Variants in MEI1 observed in about 807,000 individuals in gnomAD.
MEI1 encodes the protein meiotic double-stranded break formation protein 1.
In MEI1, 103 loss-of-function variants were observed where a neutral mutation model predicts 146.2. The ratio of observed to expected loss-of-function variants is 0.70; its 90% CI spans 0.60 to 0.83. The LOEUF is 0.83. Among genes scored for constraint, MEI1 ranks in the 40% least tolerant of loss-of-function variants. The pLI, the probability that MEI1 is intolerant of heterozygous loss-of-function variation, is 0.00. For missense variants in MEI1, 1,529 were observed against 1,533.0 expected, an observed-to-expected ratio of 1.00 and a Z score of 0.04; for synonymous variants, 652 against 628.2, an observed-to-expected ratio of 1.04 and a Z score of -0.57.
At chr22:41,740,973 T>A (rs1011664188) in intron 11 of MEI1, among the ~76,000 whole-genome samples, 3 of 152,138 alleles carry the variant, frequency 2.0e-5, no homozygotes, top group African/African-American at 7.2e-5. Context: ...TGCTGTGATG[T>A]GATCTTGGCT....
chr22:41,762,906 T>C (rs960727113), intron 18 of MEI1, among the ~76,000 whole-genome samples: 7 of 152,172 alleles, frequency 4.6e-5, no homozygotes, highest in Admixed American at 3.9e-4. Flanking sequence ...ACACTGCTGG[T>C]CCAGCTGGCA....
chr22:41,702,819 C>T (rs1169699582), intron 1 of MEI1, among the ~76,000 whole-genome samples: 2 of 151,672 alleles, frequency 1.3e-5, no homozygotes, highest in Non-Finnish European at 2.9e-5. Context: ...AATGCAGTGG[C>T]GCTATCTCGG....
At chr22:41,791,896 A>G (rs1298542413) in intron 26 of MEI1, among the ~76,000 whole-genome samples, 2 of 152,232 alleles carry the variant, frequency 1.3e-5, no homozygotes, top group East Asian at 3.8e-4. Context: ...AAAAGAGCAC[A>G]TATTATGATT....
At chr22:41,733,586 T>A (rs2072058395) in intron 11 of MEI1, among the ~76,000 whole-genome samples, 1 of 151,666 alleles carries the variant, frequency 6.6e-6, no homozygotes, top group South Asian at 2.1e-4. Flanking sequence ...TAAAATCCCA[T>A]CTCTACAAAA....
chr22:41,722,620 G>A (rs1222247752), intron 6 of MEI1, among the ~76,000 whole-genome samples: 1 of 151,638 alleles, frequency 6.6e-6, no homozygotes, highest in Non-Finnish European at 1.5e-5. Flanking sequence ...CCATCTCCAG[G>A]AACACACCAT....
intron 17 of MEI1, among the ~76,000 whole-genome samples, chr22:41,754,828 G>C (rs1017218061): frequency 6.6e-6 from 1 of 152,176 alleles, no homozygotes; most frequent in Non-Finnish European, 1.5e-5. Context: ...AATTGAAACA[G>C]GCAGGCAATA....
In MEI1 at chr22:41,718,100, T is replaced by A; in HGVS notation, c.559T>A (p.Leu187Ile). Residue 187 changes from leucine (L) to isoleucine (I), a missense_variant, in exon 6 of 31, where the codon TTA (leucine) becomes ATA (isoleucine). Physicochemically the swap from Leu to Ile is conservative, Grantham distance 5 (BLOSUM62 2). Coordinates refer to ENST00000401548, the MANE Select transcript of MEI1 (RefSeq NM_152513.4). ...CCTGATGGAGCATCTGTTGAGAGGC[T>A]TAGTATACCCCAGTGAGGGCATACA... ...GNLMEHLLRG[L>I]VYPSEGIQAS... is the part of the protein sequence containing the mutation. 2 of 1,612,616 alleles carry A rather than the reference T, an allele frequency of 1.2e-6. No individual in the cohort carries two copies. Among genetic ancestry groups the A allele is most frequent in the Admixed American group, 1.7e-5 (1 of 59,984 alleles).
chr22:41,762,198 A>G (rs1047146582), intron 18 of MEI1, among the ~76,000 whole-genome samples: 125 of 152,228 alleles, frequency 8.2e-4, no homozygotes, highest in Middle Eastern at 3.4e-3. Context: ...GGCGTGAGCC[A>G]CTGCACCTGG....
Position 41,768,936 on chromosome 22 carries a change from A to T in MEI1, c.2269-1750A>T, listed in dbSNP as rs370752403. ...TCTCTAGTTTTTTTCTTAATTAAAA[A>T]TCTAAATTAACAGACTGCATTCATG... On this transcript the variant is annotated intron_variant, in intron 19 of 30. Coordinates refer to ENST00000401548, the MANE Select transcript of MEI1 (RefSeq NM_152513.4). 1.4e-4 allele frequency among the ~76,000 whole-genome samples: 21 copies of T among 152,332 alleles called. No homozygotes were observed. The South Asian group carries it at 1.9e-3, about 14-fold the overall frequency.
intron 26 of MEI1, among the ~76,000 whole-genome samples, chr22:41,785,857 C>A (rs914740190): frequency 4.6e-5 from 7 of 151,148 alleles, no homozygotes; most frequent in African/African-American, 1.7e-4. Context: ...AGCCACCACA[C>A]CCGGCCTATT....
At chr22:41,779,107 T>G (rs2075621626) in intron 22 of MEI1, among the ~76,000 whole-genome samples, 1 of 152,046 alleles carries the variant, frequency 6.6e-6, no homozygotes, top group Non-Finnish European at 1.5e-5. Context: ...GGAGGATTGT[T>G]TGAAGCCAGG....
At chr22:41,703,162 T>C (rs2068840405) in intron 1 of MEI1, among the ~76,000 whole-genome samples, 169 bp from the exon 2 acceptor site, 1 of 152,240 alleles carries the variant, frequency 6.6e-6, no homozygotes, top group African/African-American at 2.4e-5. Flanking sequence ...CATGGATTCC[T>C]CTGCGTAAAT....
Position 41,703,448 on chromosome 22 carries a change from CT to C in MEI1, c.297del (p.Phe99LeufsTer12). 2 of 1,575,908 alleles carry C rather than the reference CT, an allele frequency of 1.3e-6. No individual in the cohort carries two copies. The highest frequency in any genetic ancestry group is 1.7e-6 in the Non-Finnish European group (2 of 1,160,100). On this transcript the variant is annotated frameshift_variant, in exon 2 of 31. Transcript: ENST00000401548. LOFTEE classifies it high-confidence loss of function. ...AGTCTGCATCCACTTCATAAGTGTG[CT>C]TTTTGGTAAGATTAAGAGGGAAATT... is the stretch of plus-strand genomic sequence containing the variant. ...QRVCIHFISV[L>X]FGLLCSMEDG... is the part of the protein sequence containing the mutation.
At chr22:41,793,548 C>T (rs1387916585) in intron 26 of MEI1, among the ~76,000 whole-genome samples, 2 of 152,126 alleles carry the variant, frequency 1.3e-5, no homozygotes, top group Non-Finnish European at 2.9e-5. Context: ...GTGATCCAGA[C>T]GCTTTGGCCT....
chr22:41,715,858 C>G (rs1320830704), intron 4 of MEI1, among the ~76,000 whole-genome samples, 183 bp from the exon 5 acceptor site: 1 of 152,114 alleles, frequency 6.6e-6, no homozygotes, highest in Admixed American at 6.6e-5. Flanking sequence ...AGGACTCAGT[C>G]CCTTTCCTCT....
intron 17 of MEI1, among the ~76,000 whole-genome samples, chr22:41,757,874 A>G (rs1160994896): frequency 6.6e-6 from 1 of 152,182 alleles, no homozygotes; most frequent in Non-Finnish European, 1.5e-5. Context: ...TGGGAGGCCA[A>G]GGTGGGTGAA....
At chr22:41,790,848 C>T (rs762460778) in intron 26 of MEI1, among the ~76,000 whole-genome samples, 6 of 152,080 alleles carry the variant, frequency 3.9e-5, no homozygotes, top group African/African-American at 7.2e-5. Flanking sequence ...ACCTCAGCCC[C>T]GAAGTGCTGG....
rs371585528 is a variant in MEI1 at position 41,714,021 on chromosome 22, G to A, written c.369G>A (p.Thr123=). 1.1e-5 allele frequency: 18 copies of A among 1,595,722 alleles called. No individual in the cohort carries two copies. Among genetic ancestry groups the A allele is most frequent in the Non-Finnish European group, 1.5e-5 (18 of 1,171,046 alleles). ...GTTCAGTCCTTATTCAGATCACAAC[G>A]CAGCTGAAGCTGGAGCAGACTATCC... ...LCIEVLIQIT[T]QLKLEQTIRC... Residue 123 remains threonine, a synonymous_variant, in exon 4 of 31, where the codon ACG becomes ACA. Coordinates refer to ENST00000401548, the MANE Select transcript of MEI1 (RefSeq NM_152513.4).
Position 41,770,953 on chromosome 22 carries a change from A to G in MEI1, c.2536A>G (p.Ile846Val), listed in dbSNP as rs1555982381. 2 of 1,612,754 alleles carry G rather than the reference A, an allele frequency of 1.2e-6. No individual in the cohort carries two copies. Among genetic ancestry groups the G allele is most frequent in the Admixed American group, 3.3e-5 (2 of 59,850 alleles). The change falls in exon 20 of 31, where the codon ATC becomes GTC. Residue 846 changes from isoleucine (I) to valine (V), a missense_variant. Coordinates refer to ENST00000401548, the MANE Select transcript of MEI1 (RefSeq NM_152513.4). ...CAGAAGCATCCCCAGCATCCTGCTCATCTTGCTGGTAGGCAACCACTCATT... is the reference window on the plus strand; with the variant it reads ...CAGAAGCATCCCCAGCATCCTGCTCGTCTTGCTGGTAGGCAACCACTCATT... ...LLRSIPSILL[I>V]LLDLIYSSPV... is the part of the protein sequence containing the mutation.
Sources: allele counts gnomAD v4.1 joint callset (sites outside exome capture counted in the v4.1 genomes callset), GRCh38; gene constraint gnomAD v4.1.1; transcripts MANE v1.5; gene names NCBI Gene and HGNC (gene_info 2026-07-23, HGNC 2026-07-21).